The following FGD4 variants were observed in gnomAD, a reference collection of about 807,000 sequenced individuals.
FGD4 encodes the protein FYVE, RhoGEF and PH domain containing 4.
A neutral mutation model predicts 102.0 loss-of-function variants in FGD4; 42 were observed. The ratio of observed to expected loss-of-function variants is 0.41; its 90% CI spans 0.32 to 0.53. FGD4 has a LOEUF of 0.53. Ranked by LOEUF, FGD4 falls within the 20% of genes least tolerant of loss-of-function variation. FGD4 has a pLI of 0.21. For missense variants in FGD4, 902 were observed against 1,078.2 expected (o/e 0.84, Z 2.29); for synonymous variants, 380 against 375.7 (o/e 1.01, Z -0.13).
intron 1 of FGD4, among the ~76,000 whole-genome samples, chr12:32,443,627 C>T (rs1942520724): frequency 1.3e-5 from 2 of 148,226 alleles, no homozygotes; most frequent in South Asian, 4.3e-4. Context: ...TAGCCTCGAA[C>T]TCCCAGGCTC....
intron 14 of FGD4, among the ~76,000 whole-genome samples, chr12:32,632,297 A>G (rs138969425): frequency 5.9e-5 from 9 of 152,366 alleles, no homozygotes; most frequent in African/African-American, 2.2e-4. Context: ...TTACAGCCCT[A>G]TAAGGGAGAT....
At chr12:32,501,224 A>T (rs901654654) in intron 1 of FGD4, among the ~76,000 whole-genome samples, 22 of 152,162 alleles carry the variant, frequency 1.4e-4, no homozygotes, top group African/African-American at 4.3e-4. Flanking sequence ...GCTAATTTTT[A>T]AAAAAATTTT....
chr12:32,585,156 A>G (rs1445766658), intron 4 of FGD4, among the ~76,000 whole-genome samples: 1 of 150,288 alleles, frequency 6.7e-6, no homozygotes, highest in Non-Finnish European at 1.5e-5. Flanking sequence ...CAGAGGTTGC[A>G]GTGAGCTGAG....
intron 1 of FGD4, among the ~76,000 whole-genome samples, chr12:32,473,245 C>T (rs1156402034): frequency 1.3e-5 from 2 of 152,010 alleles, no homozygotes; most frequent in Non-Finnish European, 2.9e-5. Flanking sequence ...GCATTGGCAA[C>T]CTGCTCGTGT....
intron 1 of FGD4, among the ~76,000 whole-genome samples, chr12:32,527,227 ATAGAGT>A (rs1941336748): frequency 6.6e-6 from 1 of 152,312 alleles, no homozygotes; most frequent in Non-Finnish European, 1.5e-5. Context: ...GTGAATTATG[ATAGAGT>A]TAAACTGTGG....
intron 7 of FGD4, 47 bp downstream of exon 7, chr12:32,602,364 A>G: frequency 6.2e-7 from 1 of 1,607,842 alleles, no homozygotes; most frequent in Non-Finnish European, 8.5e-7. Flanking sequence ...ATTTCCATAC[A>G]AATTATACAG....
In FGD4 at chr12:32,602,337, C is replaced by T; in HGVS notation, c.1404+20C>T. The T allele has an allele frequency of 2.5e-6, 4 of 1,613,180 alleles. No homozygotes were observed. Among genetic ancestry groups the T allele is most frequent in the East Asian group, 2.2e-5 (1 of 44,812 alleles). ...ATTCAGGTAATAGGACTGTTTTGTT[C>T]AAAGCTATGAATTACTATTTCCATA... is the stretch of plus-strand genomic sequence containing the variant. On this transcript the variant is annotated intron_variant, in intron 7 of 16. Coordinates refer to ENST00000534526, the MANE Select transcript of FGD4 (RefSeq NM_001370298.3).
At chr12:32,577,883 T>C (rs1946258735) in intron 3 of FGD4, among the ~76,000 whole-genome samples, 1 of 152,166 alleles carries the variant, frequency 6.6e-6, no homozygotes, top group Non-Finnish European at 1.5e-5. Flanking sequence ...TCATAAGGCA[T>C]GTCAGAGCCT....
At chr12:32,422,114 A>G (rs978964410) in intron 1 of FGD4, among the ~76,000 whole-genome samples, 6 of 150,344 alleles carry the variant, frequency 4.0e-5, no homozygotes, top group African/African-American at 1.5e-4. Flanking sequence ...ACTACACTCC[A>G]GTGTGGGCGA....
intron 1 of FGD4, among the ~76,000 whole-genome samples, chr12:32,524,344 C>T (rs1365388365): frequency 7.3e-6 from 1 of 137,620 alleles, no homozygotes; most frequent in Non-Finnish European, 1.5e-5. Flanking sequence ...TGCAGTGAGC[C>T]GAGATCGCGC....
At chr12:32,499,648 T>G (rs955772501) in intron 1 of FGD4, among the ~76,000 whole-genome samples, 3 of 152,188 alleles carry the variant, frequency 2.0e-5, no homozygotes, top group Non-Finnish European at 2.9e-5. Context: ...AGAAAGAAAA[T>G]AAGTCCAATA....
At chr12:32,611,083 A>C in intron 9 of FGD4, 54 bp from the exon 10 acceptor site, 1 of 1,606,084 alleles carries the variant, frequency 6.2e-7, no homozygotes, top group Non-Finnish European at 8.5e-7. Context: ...AGTATTATTA[A>C]AGCTACTAGG....
At chr12:32,616,283 T>TA (rs775818508) in intron 10 of FGD4, among the ~76,000 whole-genome samples, 2 of 152,196 alleles carry the variant, frequency 1.3e-5, no homozygotes, top group Non-Finnish European at 2.9e-5. Flanking sequence ...AGAGCTGAAT[T>TA]AAACAGCTCT....
At chr12:32,568,133 T>A (rs953655953) in intron 2 of FGD4, among the ~76,000 whole-genome samples, 1 of 152,218 alleles carries the variant, frequency 6.6e-6, no homozygotes, top group East Asian at 1.9e-4. Flanking sequence ...TATTTATAGG[T>A]TTTTAAAAGG....
intron 7 of FGD4, among the ~76,000 whole-genome samples, chr12:32,603,695 T>C (rs1442854189): frequency 6.6e-6 from 1 of 151,366 alleles, no homozygotes; most frequent in African/African-American, 2.4e-5. Flanking sequence ...TTTGTTTCTA[T>C]AATGTTTATT....
intron 7 of FGD4, among the ~76,000 whole-genome samples, chr12:32,605,609 C>T (rs954587965): frequency 1.3e-5 from 2 of 152,190 alleles, no homozygotes; most frequent in African/African-American, 4.8e-5. Flanking sequence ...TCTTGTCATC[C>T]AAACAAAGTC....
intron 15 of FGD4, among the ~76,000 whole-genome samples, chr12:32,636,276 G>A (rs1054538030): frequency 5.3e-5 from 8 of 152,038 alleles, no homozygotes; most frequent in African/African-American, 7.2e-5. Context: ...TGTGGCTCAC[G>A]CCTATAATCC....
chr12:32,521,022 A>G (rs902680401), intron 1 of FGD4, among the ~76,000 whole-genome samples: 9 of 152,130 alleles, frequency 5.9e-5, no homozygotes, highest in Non-Finnish European at 1.2e-4. Context: ...AGACTGTATA[A>G]AGTGTTTGAA....
chr12:32,536,926 TTTC>T (rs909166277), intron 1 of FGD4, among the ~76,000 whole-genome samples: 4 of 151,236 alleles, frequency 2.6e-5, no homozygotes, highest in African/African-American at 9.8e-5. Flanking sequence ...CTCTCTCTCT[TTTC>T]TTTTTTTTTT....
Sources: allele counts gnomAD v4.1 joint callset (sites outside exome capture counted in the v4.1 genomes callset), GRCh38; gene constraint gnomAD v4.1.1; transcripts MANE v1.5; gene names NCBI Gene and HGNC (gene_info 2026-07-23, HGNC 2026-07-21).